TRPM3: variants seen among roughly 807,000 people sequenced by gnomAD.
TRPM3 encodes long transient receptor potential channel 3.
In TRPM3, 77 loss-of-function variants were observed where a neutral mutation model predicts 181.2. That is an observed-to-expected ratio of 0.42 (90% CI 0.35 to 0.51). The LOEUF is 0.51. Ranked by LOEUF, TRPM3 falls within the 20% of genes least tolerant of loss-of-function variation. TRPM3 has a pLI of 0.01. For synonymous variants in TRPM3, 745 were observed against 796.4 expected, an observed-to-expected ratio of 0.94 and a Z score of 1.09; for missense variants, 1,759 against 2,196.7, an observed-to-expected ratio of 0.80 and a Z score of 3.98.
chr9:71,369,385 G>A (rs928039940), intron 1 of TRPM3, among the ~76,000 whole-genome samples: 4 of 152,036 alleles, frequency 2.6e-5, no homozygotes, highest in South Asian at 2.1e-4. Flanking sequence ...TAAATAAAAC[G>A]AACATGTTTC....
chr9:71,318,415 TA>T (rs1216651630), intron 1 of TRPM3, among the ~76,000 whole-genome samples: 7 of 152,170 alleles, frequency 4.6e-5, no homozygotes, highest in Admixed American at 1.3e-4. Flanking sequence ...TGCACATAAT[TA>T]AAAAACAACA....
rs558476673 is a variant in TRPM3, at chr9:71,418,777, T to G, written c.183+27876A>C. Among the ~76,000 whole-genome samples the G allele has an allele frequency of 2.1e-5, 3 of 143,192 alleles. No homozygotes were observed. The South Asian group carries it at 6.7e-4, about 32-fold the overall frequency. 93.9% of individuals were successfully genotyped at this position (143,192 alleles called of 152,430 possible). A position where few individuals can be genotyped will look rare whatever the true frequency, so the allele number is the denominator to read the frequency against. ...TGAGATACTATATATATACTATATA[T>G]AGAGTATATACATCCTTTGAGATAC... is the stretch of plus-strand genomic sequence containing the variant. On this transcript the variant is annotated intron_variant, in intron 1 of 24. Transcript: ENST00000357533.
In TRPM3 at chr9:71,315,177, C is replaced by T. The variant is rs183965122; in HGVS notation, c.183+131476G>A. On this transcript the variant is annotated intron_variant, in intron 1 of 24. Transcript: ENST00000357533. ...TTCACTGAGTCCTTCTCTTTTCCATCTAGACTCAAGGAAGACTGAAATCAA... is the reference window on the plus strand; with the variant it reads ...TTCACTGAGTCCTTCTCTTTTCCATTTAGACTCAAGGAAGACTGAAATCAA... Among the ~76,000 whole-genome samples, 646 of 152,244 alleles carry T rather than the reference C, an allele frequency of 4.2e-3. 4 individuals carry two copies. Among genetic ancestry groups the T allele is most frequent in the Admixed American group, 6.8e-3 (104 of 15,270 alleles).
chr9:71,129,658 T>G (rs1304413131), intron 1 of TRPM3, among the ~76,000 whole-genome samples: 1 of 152,188 alleles, frequency 6.6e-6, no homozygotes, highest in African/African-American at 2.4e-5. Context: ...TTTTACCCAT[T>G]ACAATATGCT....
rs536255004 is a variant in TRPM3 at position 70,912,747 on chromosome 9, T to C, written c.178-48236A>G. Reference sequence around the variant, plus strand: ...GAGAAGAGAAGCAAACTAAAATATATTGGAAACCAACACTCTGGCAGGCAC... The same window carrying C: ...GAGAAGAGAAGCAAACTAAAATATACTGGAAACCAACACTCTGGCAGGCAC... On this transcript the variant is annotated intron_variant, in intron 1 of 25. Transcript: ENST00000677713. Among the ~76,000 whole-genome samples, 9 of 152,234 alleles carry C rather than the reference T, an allele frequency of 5.9e-5. No individual in the cohort carries two copies. The South Asian group carries it at 1.7e-3, about 28-fold the overall frequency.
At chr9:70,617,011 A>C (rs2062884523) in intron 17 of TRPM3, among the ~76,000 whole-genome samples, 1 of 152,178 alleles carries the variant, frequency 6.6e-6, no homozygotes, top group Non-Finnish European at 1.5e-5. Context: ...AACTGCTCCA[A>C]GATGAGGGGC....
intron 6 of TRPM3, among the ~76,000 whole-genome samples, chr9:70,799,507 G>A (rs2088259857): frequency 1.3e-5 from 2 of 152,186 alleles, no homozygotes; most frequent in African/African-American, 2.4e-5. Flanking sequence ...ACAACACTGT[G>A]GGGAACCTTC....
rs543879923 is a variant in TRPM3 at position 70,532,176 on chromosome 9, C to A, written c.*3777G>T. 4.6e-5 allele frequency: 7 copies of A among 152,258 alleles called. No homozygotes were observed. In the East Asian group the frequency reaches 1.4e-3, roughly 29 times the overall value. 9.4% of individuals were successfully genotyped at this position (152,258 alleles called of 1,614,324 possible). On this transcript the variant is annotated 3_prime_UTR_variant, in exon 26 of 26. Transcript: ENST00000677713. ...TGGATGACCGGGTAATATTTATCAT[C>A]TTTAAAGAAATTAAACAGCCCAAAC...
intron 1 of TRPM3, among the ~76,000 whole-genome samples, chr9:71,071,233 G>A (rs2133548002): frequency 6.6e-6 from 1 of 152,214 alleles, no homozygotes; most frequent in South Asian, 2.1e-4. Context: ...TGGGAAAGAG[G>A]CCACCTTAGA....
At chr9:70,743,362 A>C (rs2074526109) in intron 8 of TRPM3, among the ~76,000 whole-genome samples, 1 of 152,174 alleles carries the variant, frequency 6.6e-6, no homozygotes, top group African/African-American at 2.4e-5. Context: ...TTCCCCTTTG[A>C]AACTTTTATT....
intron 1 of TRPM3, among the ~76,000 whole-genome samples, chr9:71,236,036 A>G (rs2081333004): frequency 6.6e-6 from 1 of 152,222 alleles, no homozygotes; most frequent in African/African-American, 2.4e-5. Flanking sequence ...GGTGGTAACA[A>G]AAGTTTCAGT....
intron 1 of TRPM3, among the ~76,000 whole-genome samples, chr9:71,092,543 C>G (rs2066405578): frequency 6.6e-6 from 1 of 151,978 alleles, no homozygotes; most frequent in African/African-American, 2.4e-5. Context: ...ATTTTGGGAT[C>G]TGGTTAGGAA....
intron 22 of TRPM3, among the ~76,000 whole-genome samples, chr9:70,561,990 A>T (rs1026957735): frequency 6.6e-6 from 1 of 152,224 alleles, no homozygotes; most frequent in Non-Finnish European, 1.5e-5. Flanking sequence ...GACTGAGCTC[A>T]AGCATCTGGT....
In TRPM3 at chr9:70,537,114, C is replaced by A; in HGVS notation, c.3999G>T (p.Glu1333Asp). ...LQESIDPAGE[E>D]TMSPTSPTLM... ...AGGTTGGAGAAGTTGGGGACATGGT[C>A]TCCTCACCTGCAGGGTCTATACTCT... Residue 1333 changes from glutamate (E) to aspartate (D), a missense_variant, in exon 26 of 26, where the codon GAG (glutamate) becomes GAT (aspartate). Glu to Asp is a conservative substitution (Grantham distance 45, BLOSUM62 2). Around this residue, in one of 8 missense-constraint regions of TRPM3, gnomAD observed 612 missense variants for 590.0 expected, o/e 1.04. Coordinates refer to ENST00000677713, the MANE Select transcript of TRPM3 (RefSeq NM_001366145.2). 3.7e-6 allele frequency: 6 copies of A among 1,608,590 alleles called. No homozygotes were observed. The highest frequency in any genetic ancestry group is 5.1e-6 in the Non-Finnish European group (6 of 1,175,360).
intron 1 of TRPM3, among the ~76,000 whole-genome samples, chr9:71,379,551 A>G (rs1302458552): frequency 6.6e-6 from 1 of 152,008 alleles, no homozygotes; most frequent in Non-Finnish European, 1.5e-5. Flanking sequence ...CATCACTTAC[A>G]GAGGTTTTTA....
At chr9:70,863,451 C>CAA (rs758597592) in intron 2 of TRPM3, among the ~76,000 whole-genome samples, 8 of 152,106 alleles carry the variant, frequency 5.3e-5, no homozygotes, top group Non-Finnish European at 1.0e-4. Flanking sequence ...TCACTCAGCC[C>CAA]ATCTATCAAA....
chr9:71,445,943 C>T lies in TRPM3; in HGVS notation c.183+710G>A, dbSNP rs548739418. 2.3e-4 allele frequency among the ~76,000 whole-genome samples: 35 copies of T among 152,336 alleles called. No individual in the cohort carries two copies. The South Asian group carries it at 6.6e-3, about 29-fold the overall frequency. On this transcript the variant is annotated intron_variant, in intron 1 of 24. Coordinates refer to the TRPM3 transcript ENST00000357533. ...TAAAGGAAAACATAATATTCACATA[C>T]TCAAAATGCAAATGCAGCTAAAGTT...
intron 1 of TRPM3, among the ~76,000 whole-genome samples, chr9:71,294,566 G>A (rs1394229783): frequency 6.6e-6 from 1 of 151,872 alleles, no homozygotes; most frequent in Non-Finnish European, 1.5e-5. Flanking sequence ...AAACAACTTG[G>A]TATTGTATAG....
At chr9:71,159,050 C>T (rs866601861) in intron 1 of TRPM3, among the ~76,000 whole-genome samples, 3 of 150,736 alleles carry the variant, frequency 2.0e-5, no homozygotes, top group Non-Finnish European at 2.9e-5. Context: ...AGGAAGCAGA[C>T]GGTGGGATCT....
Sources: gnomAD v4.1 joint callset for allele counts (sites outside exome capture counted in the v4.1 genomes callset) on GRCh38, gnomAD v4.1.1 for gene constraint, gnomAD v4.1.1 regional missense constraint, MANE v1.5 for transcripts, NCBI Gene and HGNC (gene_info 2026-07-23, HGNC 2026-07-21) for gene names.